ATP2B2: variants seen among roughly 807,000 people sequenced by gnomAD.
ATP2B2 encodes the protein plasma membrane calcium-transporting ATPase 2.
Under a neutral mutation model 120.0 loss-of-function variants are expected in ATP2B2, and 15 were observed. That is an observed-to-expected ratio of 0.12 (90% CI 0.08 to 0.19). The LOEUF is 0.19. Among genes scored for constraint, ATP2B2 ranks in the 10% least tolerant of loss-of-function variants. The pLI is 1.00. For synonymous variants in ATP2B2, 694 were observed against 700.3 expected (o/e 0.99, Z 0.14); for missense variants, 1,045 against 1,719.8 (o/e 0.61, Z 6.94).
chr3:10,632,133 G>T (rs375719504), intron 1 of ATP2B2, among the ~76,000 whole-genome samples: 3 of 152,226 alleles, frequency 2.0e-5, no homozygotes, highest in Non-Finnish European at 4.4e-5. Flanking sequence ...CCTGCAGATG[G>T]TTTTTTGTGG....
chr3:10,472,077 T>A (rs1386868283), intron 1 of ATP2B2, among the ~76,000 whole-genome samples: 1 of 82,994 alleles, frequency 1.2e-5, no homozygotes, highest in South Asian at 6.9e-4. Context: ...CGAGACTCCG[T>A]CTCAAAAAAA....
At chr3:10,491,692 A>T (rs1277737952) in intron 1 of ATP2B2, among the ~76,000 whole-genome samples, 1 of 151,910 alleles carries the variant, frequency 6.6e-6, no homozygotes, top group South Asian at 2.1e-4. Context: ...GTGACAAAAT[A>T]AAGCTGTGGG....
rs537017195 is a variant in ATP2B2, at chr3:10,341,987, T to A, written c.2917+765A>T. Among the ~76,000 whole-genome samples the A allele has an allele frequency of 7.9e-5, 12 of 152,344 alleles. No homozygotes were observed. The East Asian group carries it at 2.1e-3, about 27-fold the overall frequency. On this transcript the variant is annotated intron_variant, in intron 19 of 22. Transcript: ENST00000360273. ...AAAGGCCAGCTCCGGGAGGCTCCTGTAAGGAGAGAACTGGCCCTGATTCCA... is the reference window on the plus strand; with the variant it reads ...AAAGGCCAGCTCCGGGAGGCTCCTGAAAGGAGAGAACTGGCCCTGATTCCA...
At chr3:10,697,393 G>C (rs1037231075) in intron 1 of ATP2B2, among the ~76,000 whole-genome samples, 2 of 152,100 alleles carry the variant, frequency 1.3e-5, no homozygotes, top group Non-Finnish European at 2.9e-5. Flanking sequence ...CTGAGCCTCA[G>C]CATCTATAAA....
chr3:10,336,360 C>T, intron 22 of ATP2B2: 4 of 1,499,040 alleles, frequency 2.7e-6, no homozygotes, highest in East Asian at 2.5e-5. Flanking sequence ...GGCTACATGA[C>T]TGACAGGGCA....
chr3:10,578,318 G>A (rs551281134), intron 2 of ATP2B2, among the ~76,000 whole-genome samples: 2 of 152,006 alleles, frequency 1.3e-5, no homozygotes, highest in Non-Finnish European at 2.9e-5. Flanking sequence ...CCACATAAGA[G>A]AAATAAAAAT....
chr3:10,669,846 G>T (rs2071048607), intron 1 of ATP2B2, among the ~76,000 whole-genome samples: 1 of 152,170 alleles, frequency 6.6e-6, no homozygotes, highest in Non-Finnish European at 1.5e-5. Flanking sequence ...CTGTAAATTT[G>T]TGTGGGTTAC....
At chr3:10,620,107 T>C (rs1460904263) in intron 1 of ATP2B2, 1 of 152,338 alleles carries the variant, frequency 6.6e-6, no homozygotes, top group African/African-American at 2.4e-5. Flanking sequence ...GAGGATTTCA[T>C]GCAAAGTCAG....
At chr3:10,478,071 A>T (rs1346994941) in intron 1 of ATP2B2, among the ~76,000 whole-genome samples, 1 of 152,212 alleles carries the variant, frequency 6.6e-6, no homozygotes, top group East Asian at 1.9e-4. Flanking sequence ...GGTGATAGCC[A>T]TCCTAATTGG....
At chr3:10,698,445 G>A (rs2071771387) in intron 1 of ATP2B2, among the ~76,000 whole-genome samples, 1 of 152,162 alleles carries the variant, frequency 6.6e-6, no homozygotes, top group African/African-American at 2.4e-5. Flanking sequence ...AGGGCCATAT[G>A]TTTAAGTCAG....
chr3:10,438,705 G>A (rs562988353), intron 2 of ATP2B2, among the ~76,000 whole-genome samples: 1 of 152,322 alleles, frequency 6.6e-6, no homozygotes, highest in South Asian at 2.1e-4. Context: ...GCCCTGTCTG[G>A]GCCTCTCGGA....
chr3:10,631,152 G>A (rs1321348575), intron 1 of ATP2B2, among the ~76,000 whole-genome samples: 1 of 152,146 alleles, frequency 6.6e-6, no homozygotes, highest in Non-Finnish European at 1.5e-5. Flanking sequence ...TACCTGGGAG[G>A]GTGGTAACAA....
intron 1 of ATP2B2, among the ~76,000 whole-genome samples, chr3:10,497,418 C>T (rs1430246461): frequency 6.6e-6 from 1 of 152,228 alleles, no homozygotes; most frequent in Non-Finnish European, 1.5e-5. Context: ...AAAGCAAGTG[C>T]AGCCTCAACT....
intron 2 of ATP2B2, among the ~76,000 whole-genome samples, chr3:10,572,412 T>A (rs897787257): frequency 3.9e-5 from 6 of 152,094 alleles, no homozygotes; most frequent in East Asian, 1.9e-4. Context: ...AGATGAAAAA[T>A]TTGTGGAAAT....
chr3:10,503,263 G>A (rs1254074534), intron 1 of ATP2B2, among the ~76,000 whole-genome samples: 7 of 152,230 alleles, frequency 4.6e-5, no homozygotes, highest in African/African-American at 1.2e-4. Flanking sequence ...CCATAGCAGC[G>A]GGCTGGTTTC....
chr3:10,421,298 C>T (rs1257031151), intron 2 of ATP2B2, among the ~76,000 whole-genome samples: 1 of 152,194 alleles, frequency 6.6e-6, no homozygotes, highest in Non-Finnish European at 1.5e-5. Flanking sequence ...AGAGCCTGCA[C>T]TCAGCCTGGG....
intron 2 of ATP2B2, among the ~76,000 whole-genome samples, chr3:10,590,292 C>T (rs372682738): frequency 9.2e-4 from 140 of 152,154 alleles, no homozygotes; most frequent in African/African-American, 3.2e-3. Context: ...CACAAAGTGA[C>T]GAGGGGTAAA....
chr3:10,593,533 C>T (rs1318474296), intron 2 of ATP2B2, among the ~76,000 whole-genome samples: 1 of 152,130 alleles, frequency 6.6e-6, no homozygotes, highest in African/African-American at 2.4e-5. Flanking sequence ...GAAACTGGAT[C>T]CCTTCCTTAC....
At chr3:10,384,709 C>T (rs769834886) in intron 8 of ATP2B2, among the ~76,000 whole-genome samples, 9 of 152,202 alleles carry the variant, frequency 5.9e-5, no homozygotes, top group African/African-American at 9.6e-5. Context: ...CGAGCCCAAG[C>T]GAACCCCCTG....
Sources: gnomAD v4.1 joint callset for allele counts (sites outside exome capture counted in the v4.1 genomes callset) on GRCh38, gnomAD v4.1.1 for gene constraint, MANE v1.5 for transcripts, NCBI Gene and HGNC (gene_info 2026-07-23, HGNC 2026-07-21) for gene names.